Variants in GRID2 observed in about 807,000 individuals in gnomAD.
The protein encoded by GRID2 is glutamate receptor ionotropic, delta-2.
In GRID2, 33 loss-of-function variants were observed where a neutral mutation model predicts 114.8. That is an observed-to-expected ratio of 0.29 (90% CI 0.22 to 0.38). The LOEUF (loss-of-function observed/expected upper bound fraction) is 0.38. GRID2 is among the 10% of genes least tolerant of loss of function. The pLI is 1.00. For synonymous variants in GRID2, 505 were observed against 449.9 expected (o/e 1.12, Z -1.55); for missense variants, 1,184 against 1,257.7 (o/e 0.94, Z 0.89).
chr4:93,106,765 C>G (rs1157922074), intron 3 of GRID2, among the ~76,000 whole-genome samples: 1 of 152,192 alleles, frequency 6.6e-6, no homozygotes, highest in East Asian at 1.9e-4. Context: ...TTATGCTTAA[C>G]TCCTGCATTC....
chr4:92,703,617 T>TTTTA (rs375643372), intron 2 of GRID2, among the ~76,000 whole-genome samples: 6 of 141,008 alleles, frequency 4.3e-5, no homozygotes, highest in African/African-American at 1.0e-4. Context: ...AGGAAAAACA[T>TTTTA]TATATATATA....
At chr4:93,159,714 T>C (rs996745077) in intron 4 of GRID2, among the ~76,000 whole-genome samples, 2 of 151,248 alleles carry the variant, frequency 1.3e-5, no homozygotes, top group African/African-American at 2.4e-5. Flanking sequence ...TTTTTTGCTT[T>C]TCTGTTTCAG....
chr4:93,054,923 C>T (rs1355202952), intron 2 of GRID2, among the ~76,000 whole-genome samples: 1 of 151,578 alleles, frequency 6.6e-6, no homozygotes, highest in Non-Finnish European at 1.5e-5. Context: ...TAAAACAATG[C>T]CTTATTTTCA....
chr4:93,185,805 G>T (rs1478930985), intron 4 of GRID2, among the ~76,000 whole-genome samples: 1 of 152,080 alleles, frequency 6.6e-6, no homozygotes, highest in Non-Finnish European at 1.5e-5. Context: ...GTGCAGGTTT[G>T]TTACATATGT....
intron 13 of GRID2, among the ~76,000 whole-genome samples, chr4:93,575,801 A>T: frequency 6.6e-6 from 1 of 152,154 alleles, no homozygotes; most frequent in East Asian, 1.9e-4. Context: ...TGAGTAATTC[A>T]CACAGAAATA....
chr4:93,058,004 T>C (rs897679372), intron 2 of GRID2, among the ~76,000 whole-genome samples: 4 of 149,458 alleles, frequency 2.7e-5, no homozygotes, highest in African/African-American at 9.9e-5. Flanking sequence ...TTACTGACTT[T>C]TTTTCATTGT....
intron 13 of GRID2, among the ~76,000 whole-genome samples, chr4:93,573,096 A>G (rs1195110043): frequency 6.6e-6 from 1 of 152,164 alleles, no homozygotes; most frequent in Non-Finnish European, 1.5e-5. Flanking sequence ...GACAGAGAGA[A>G]AGAGAGAATA....
Position 92,554,430 on chromosome 4 carries a change from A to G in GRID2, c.89-35701A>G, listed in dbSNP as rs528170099. Among the ~76,000 whole-genome samples the G allele has an allele frequency of 2.6e-5, 4 of 152,308 alleles. No homozygotes were observed. The East Asian group carries it at 7.7e-4, about 29-fold the overall frequency. Reference sequence around the variant, plus strand: ...GTTCCGAGTATAAAGCTTGCTGAAGACCATTTTTTTCAAATTTATAGACAA... The same window carrying G: ...GTTCCGAGTATAAAGCTTGCTGAAGGCCATTTTTTTCAAATTTATAGACAA... On this transcript the variant is annotated intron_variant, in intron 1 of 15. Transcript: ENST00000282020.
chr4:93,365,534 A>G (rs1762257233), intron 8 of GRID2, among the ~76,000 whole-genome samples: 1 of 152,204 alleles, frequency 6.6e-6, no homozygotes, highest in Non-Finnish European at 1.5e-5. Context: ...TAAATCTTCC[A>G]AAACAAAAAT....
At position 93,118,597 on chromosome 4, in the gene GRID2, C is replaced by T. The variant is rs547074524; in HGVS notation, c.735+7644C>T. Among the ~76,000 whole-genome samples, 8 of 152,308 alleles carry T rather than the reference C, an allele frequency of 5.3e-5. No homozygotes were observed. In the South Asian group the frequency reaches 1.7e-3, roughly 32 times the overall value. On this transcript the variant is annotated intron_variant, in intron 4 of 15. Transcript: ENST00000282020. The stretch of plus-strand genomic sequence containing the variant: ...CTGCACCTCTGCAGATTGTAGAGGA[C>T]ACCCAGAGTTTGAAACTGGTCAAAT...
chr4:92,652,057 A>G (rs747071447), intron 2 of GRID2, among the ~76,000 whole-genome samples: 5 of 152,100 alleles, frequency 3.3e-5, no homozygotes, highest in Admixed American at 1.3e-4. Flanking sequence ...CTCAGGATCA[A>G]TCACATACGT....
rs184630722 is a variant in GRID2, at chr4:93,024,265, C to A, written c.245-60730C>A. ...AATCAAATGAGGCTTAAATCTTTCT[C>A]GGAGACAAATGCAGAGAAATTTCTG... On this transcript the variant is annotated intron_variant, in intron 2 of 15. Coordinates refer to ENST00000282020, the MANE Select transcript of GRID2 (RefSeq NM_001510.4). 5.3e-5 allele frequency among the ~76,000 whole-genome samples: 8 copies of A among 151,612 alleles called. No homozygotes were observed. In the East Asian group the frequency reaches 1.5e-3, roughly 29 times the overall value.
chr4:93,295,531 G>A (rs1754199143), intron 8 of GRID2, among the ~76,000 whole-genome samples: 2 of 152,076 alleles, frequency 1.3e-5, no homozygotes, highest in Admixed American at 6.6e-5. Context: ...TGGCAGGCTG[G>A]AATTTTTGGG....
intron 2 of GRID2, among the ~76,000 whole-genome samples, chr4:92,695,170 T>G (rs1215344400): frequency 6.6e-6 from 1 of 152,082 alleles, no homozygotes; most frequent in Non-Finnish European, 1.5e-5. Context: ...TTCACTATAT[T>G]GCCCCGTCTG....
chr4:92,453,972 T>C (rs1372665138), intron 1 of GRID2, among the ~76,000 whole-genome samples: 1 of 152,192 alleles, frequency 6.6e-6, no homozygotes, highest in African/African-American at 2.4e-5. Flanking sequence ...ATGTGTGCAC[T>C]AAACCACAGC....
At chr4:93,041,899 G>C (rs1328857977) in intron 2 of GRID2, among the ~76,000 whole-genome samples, 1 of 151,834 alleles carries the variant, frequency 6.6e-6, no homozygotes, top group Admixed American at 6.6e-5. Context: ...TTTTGTTGTT[G>C]TTGTTTGTTT....
intron 13 of GRID2, among the ~76,000 whole-genome samples, chr4:93,518,840 T>A (rs564913654): frequency 6.6e-6 from 1 of 152,080 alleles, no homozygotes; most frequent in Non-Finnish European, 1.5e-5. Flanking sequence ...GGCCCTGAGG[T>A]AGAAGCATGC....
In GRID2 at chr4:92,350,016, T is replaced by C. The variant is rs73839290; in HGVS notation, c.88+45272T>C. Reference sequence around the variant, plus strand: ...ACTATATGCATTTTGGGAAGGCATATAACCATTACATATTACAATCCATTC... The same window carrying C: ...ACTATATGCATTTTGGGAAGGCATACAACCATTACATATTACAATCCATTC... On this transcript the variant is annotated intron_variant, in intron 1 of 15. Transcript: ENST00000282020. Among the ~76,000 whole-genome samples, 1,109 of 152,050 alleles carry C rather than the reference T, an allele frequency of 7.3e-3. 9 individuals are homozygous for C. Among genetic ancestry groups the C allele is most frequent in the African/African-American group, 0.026 (1,071 of 41,546 alleles).
chr4:93,620,517 G>C (rs991863950), intron 13 of GRID2, among the ~76,000 whole-genome samples: 2 of 152,144 alleles, frequency 1.3e-5, no homozygotes, highest in African/African-American at 4.8e-5. Context: ...AAAGCAAAGT[G>C]CTTTCAGCAT....
Sources: allele counts gnomAD v4.1 joint callset (sites outside exome capture counted in the v4.1 genomes callset), GRCh38; gene constraint gnomAD v4.1.1; transcripts MANE v1.5; gene names NCBI Gene and HGNC (gene_info 2026-07-23, HGNC 2026-07-21).